GRM5: variants seen among roughly 807,000 people sequenced by gnomAD.
The protein encoded by GRM5 is glutamate metabotropic receptor 5.
In GRM5, 19 loss-of-function variants were observed where a neutral mutation model predicts 83.1. That is an observed-to-expected ratio of 0.23 (90% CI 0.16 to 0.34). The LOEUF is 0.34. GRM5 is among the 10% of genes least tolerant of loss of function. The pLI, the probability that GRM5 is intolerant of heterozygous loss-of-function variation, is 1.00. For missense variants in GRM5, 1,160 were observed against 1,588.3 expected, an observed-to-expected ratio of 0.73 and a Z score of 4.58; for synonymous variants, 675 against 633.6, an observed-to-expected ratio of 1.07 and a Z score of -0.98.
intron 2 of GRM5, among the ~76,000 whole-genome samples, chr11:88,898,885 T>A (rs1337368198): frequency 1.3e-5 from 2 of 152,118 alleles, no homozygotes; most frequent in African/African-American, 4.8e-5. Flanking sequence ...AATTTACTTA[T>A]CAAGTAAAGG....
intron 2 of GRM5, among the ~76,000 whole-genome samples, chr11:89,001,638 C>T (rs1565329958): frequency 1.3e-5 from 2 of 152,012 alleles, no homozygotes; most frequent in Non-Finnish European, 2.9e-5. Flanking sequence ...GTATTAGTGT[C>T]ACTACACTGG....
chr11:88,903,430 C>G (rs115793468), intron 2 of GRM5, among the ~76,000 whole-genome samples: 1 of 152,274 alleles, frequency 6.6e-6, no homozygotes, highest in African/African-American at 2.4e-5. Flanking sequence ...CATTATACCA[C>G]AAAGATGCCT....
At chr11:88,588,201 T>C (rs2135203678) in intron 7 of GRM5, among the ~76,000 whole-genome samples, 1 of 152,336 alleles carries the variant, frequency 6.6e-6, no homozygotes, top group African/African-American at 2.4e-5. Flanking sequence ...AGACAAAGCA[T>C]TGTTTGCAAA....
At chr11:88,776,976 A>T (rs1382462798) in intron 3 of GRM5, among the ~76,000 whole-genome samples, 3 of 152,104 alleles carry the variant, frequency 2.0e-5, no homozygotes, top group Non-Finnish European at 4.4e-5. Context: ...TTGAATTTGA[A>T]TGTTGTCCTG....
chr11:89,058,168 T>A (rs927943218), intron 1 of GRM5, among the ~76,000 whole-genome samples: 8 of 152,342 alleles, frequency 5.3e-5, no homozygotes, highest in African/African-American at 1.9e-4. Context: ...TAAATTCTTA[T>A]GTAACGTACA....
chr11:88,939,037 T>C (rs1937997934), intron 2 of GRM5, among the ~76,000 whole-genome samples: 1 of 151,772 alleles, frequency 6.6e-6, no homozygotes, highest in Non-Finnish European at 1.5e-5. Flanking sequence ...AATTGCTCTA[T>C]TTTTTATCTT....
At position 88,992,124 on chromosome 11, in the gene GRM5, G is replaced by A. The variant is rs191816388; in HGVS notation, c.661+55088C>T. Among the ~76,000 whole-genome samples the A allele has an allele frequency of 2.1e-3, 315 of 152,088 alleles. 3 individuals are homozygous for A. Among genetic ancestry groups the A allele is most frequent in the African/African-American group, 7.0e-3 (289 of 41,454 alleles). ...TTTGCAACCTACTCATCTGACAAAGGGCTAATAATATCCAGAACCTACAAT... is the reference window on the plus strand; with the variant it reads ...TTTGCAACCTACTCATCTGACAAAGAGCTAATAATATCCAGAACCTACAAT... On this transcript the variant is annotated intron_variant, in intron 2 of 9. Coordinates refer to ENST00000305447, the MANE Select transcript of GRM5 (RefSeq NM_001143831.3).
intron 1 of GRM5, among the ~76,000 whole-genome samples, chr11:89,060,962 CTGAATA>C (rs1371879858): frequency 6.6e-6 from 1 of 152,084 alleles, no homozygotes; most frequent in Admixed American, 6.5e-5. Flanking sequence ...TAATATTTCT[CTGAATA>C]TGAATATAAC....
intron 3 of GRM5, among the ~76,000 whole-genome samples, chr11:88,816,939 T>A (rs1005887019): frequency 1.3e-5 from 2 of 152,158 alleles, no homozygotes; most frequent in Non-Finnish European, 2.9e-5. Context: ...AACAGATAAC[T>A]CTAACAGATC....
chr11:88,649,823 C>T (rs978964689), intron 4 of GRM5, among the ~76,000 whole-genome samples: 19 of 151,668 alleles, frequency 1.3e-4, no homozygotes, highest in African/African-American at 4.1e-4. Context: ...GAAATTTCCT[C>T]GGGCTGAAAG....
intron 3 of GRM5, among the ~76,000 whole-genome samples, chr11:88,807,755 C>CT (rs983463412): frequency 6.6e-6 from 1 of 151,822 alleles, no homozygotes; most frequent in African/African-American, 2.4e-5. Context: ...ATATAAACTA[C>CT]TTTTTTTTAG....
intron 8 of GRM5, among the ~76,000 whole-genome samples, chr11:88,558,509 T>A (rs980549607): frequency 6.6e-6 from 1 of 152,086 alleles, no homozygotes; most frequent in African/African-American, 2.4e-5. Flanking sequence ...GCTGCACTCC[T>A]GTAATTTTGT....
chr11:88,798,002 T>C (rs1943314934), intron 3 of GRM5, among the ~76,000 whole-genome samples: 1 of 152,140 alleles, frequency 6.6e-6, no homozygotes, highest in South Asian at 2.1e-4. Flanking sequence ...ATGCATATTA[T>C]AATGTTTCCT....
chr11:88,549,029 A>T (rs150120288), intron 8 of GRM5, among the ~76,000 whole-genome samples: 7 of 152,326 alleles, frequency 4.6e-5, no homozygotes, highest in African/African-American at 1.7e-4. Context: ...TTTATAGGAG[A>T]TCTAGAGAAT....
chr11:88,762,377 C>A (rs1015135354), intron 3 of GRM5, among the ~76,000 whole-genome samples: 3 of 151,408 alleles, frequency 2.0e-5, no homozygotes, highest in African/African-American at 7.3e-5. Flanking sequence ...GGACAAAGTA[C>A]ATGAACACTT....
At chr11:88,804,662 T>C (rs1267507399) in intron 3 of GRM5, among the ~76,000 whole-genome samples, 1 of 151,936 alleles carries the variant, frequency 6.6e-6, no homozygotes, top group Non-Finnish European at 1.5e-5. Flanking sequence ...ATTGTGCACA[T>C]GTACCCTAAA....
intron 2 of GRM5, among the ~76,000 whole-genome samples, chr11:88,958,638 C>G (rs1054209099): frequency 1.3e-5 from 2 of 151,962 alleles, no homozygotes; most frequent in Non-Finnish European, 2.9e-5. Flanking sequence ...TAAGATAAAC[C>G]ATTATAGTTT....
chr11:88,785,951 T>C (rs768893190), intron 3 of GRM5, among the ~76,000 whole-genome samples: 4 of 152,102 alleles, frequency 2.6e-5, no homozygotes, highest in African/African-American at 7.2e-5. Flanking sequence ...TATTCATATA[T>C]TGACACATTA....
At chr11:88,864,910 T>C (rs1415877725) in intron 2 of GRM5, among the ~76,000 whole-genome samples, 1 of 152,054 alleles carries the variant, frequency 6.6e-6, no homozygotes, top group Non-Finnish European at 1.5e-5. Context: ...CTTTTCTGCA[T>C]CTATTGAGAT....
Sources: gnomAD v4.1 joint callset for allele counts (sites outside exome capture counted in the v4.1 genomes callset) on GRCh38, gnomAD v4.1.1 for gene constraint, MANE v1.5 for transcripts, NCBI Gene and HGNC (gene_info 2026-07-23, HGNC 2026-07-21) for gene names.